SMYD3: variants seen among roughly 807,000 people sequenced by gnomAD.
The protein encoded by SMYD3 is histone-lysine N-methyltransferase SMYD3.
In SMYD3, 36 loss-of-function variants were observed where a neutral mutation model predicts 57.7. The observed-to-expected ratio is 0.62, with a 90% CI of 0.48 to 0.82. The LOEUF (loss-of-function observed/expected upper bound fraction) is 0.82. Among genes scored for constraint, SMYD3 ranks in the 40% least tolerant of loss-of-function variants. The pLI, the probability that SMYD3 is intolerant of heterozygous loss-of-function variation, is 0.00. For synonymous variants in SMYD3, 211 were observed against 195.0 expected, an observed-to-expected ratio of 1.08 and a Z score of -0.68; for missense variants, 515 against 538.8, an observed-to-expected ratio of 0.96 and a Z score of 0.44.
chr1:245,878,880 T>C (rs2052627502), intron 8 of SMYD3, among the ~76,000 whole-genome samples: 1 of 152,176 alleles, frequency 6.6e-6, no homozygotes, highest in Non-Finnish European at 1.5e-5. Context: ...TAAACAAACA[T>C]GGGTTCCGGC....
At position 245,997,041 on chromosome 1, in the gene SMYD3, G is replaced by A. The variant is rs949759796; in HGVS notation, c.532-67104C>T. Among the ~76,000 whole-genome samples, 7 of 152,310 alleles carry A rather than the reference G, an allele frequency of 4.6e-5. 1 individual carries two copies. Among genetic ancestry groups the A allele is most frequent in the Admixed American group, 1.3e-4 (2 of 15,308 alleles). ...TGTCTAGGGTATGCGCATATGCTGC[G>A]TTTTTCCGCAGGTGCCTCGCAGTCT... On this transcript the variant is annotated intron_variant, in intron 5 of 11. Transcript: ENST00000490107.
At position 246,149,308 on chromosome 1, in the gene SMYD3, G is replaced by A. The variant is rs561871591; in HGVS notation, c.531+177893C>T. 1.5e-3 allele frequency among the ~76,000 whole-genome samples: 225 copies of A among 152,256 alleles called. 1 individual carries two copies. The highest frequency in any genetic ancestry group is 2.5e-3 in the Non-Finnish European group (171 of 68,020). On this transcript the variant is annotated intron_variant, in intron 5 of 11. Transcript: ENST00000490107. Reference sequence around the variant, plus strand: ...ACCTAGCTAATGAAGAGCAGGGCTCGACTTAGAATTTAGGATTCCTGTCCC... The same window carrying A: ...ACCTAGCTAATGAAGAGCAGGGCTCAACTTAGAATTTAGGATTCCTGTCCC...
intron 1 of SMYD3, among the ~76,000 whole-genome samples, chr1:246,396,754 G>A (rs2066680797): frequency 6.6e-6 from 1 of 152,162 alleles, no homozygotes; most frequent in African/African-American, 2.4e-5. Flanking sequence ...GCCAGCCATG[G>A]TGAGATGTGC....
intron 5 of SMYD3, among the ~76,000 whole-genome samples, chr1:246,324,437 A>T (rs1198599271): frequency 6.6e-6 from 1 of 151,594 alleles, no homozygotes; most frequent in Non-Finnish European, 1.5e-5. Context: ...AAAAAAAAAA[A>T]AGATGGGCTA....
intron 5 of SMYD3, among the ~76,000 whole-genome samples, chr1:245,995,286 TG>T (rs754274822): frequency 1.2e-4 from 18 of 152,202 alleles, no homozygotes; most frequent in Non-Finnish European, 2.5e-4. Flanking sequence ...ACGGAAGTCA[TG>T]GGACTAGAGT....
intron 1 of SMYD3, among the ~76,000 whole-genome samples, chr1:246,499,591 G>A (rs2068425824): frequency 6.6e-6 from 1 of 151,820 alleles, no homozygotes; most frequent in African/African-American, 2.4e-5. Context: ...AAAGTAGCTT[G>A]ATTACAGGCA....
chr1:246,030,955 TG>T (rs2059660716), intron 5 of SMYD3, among the ~76,000 whole-genome samples: 1 of 152,120 alleles, frequency 6.6e-6, no homozygotes, highest in Admixed American at 6.6e-5. Flanking sequence ...ACGTGTTTAG[TG>T]GGGGTGCACA....
At chr1:245,751,580 G>GAGAGAGAGAGAGAA (rs549065673) in intron 11 of SMYD3, among the ~76,000 whole-genome samples, 15 of 138,792 alleles carry the variant, frequency 1.1e-4, no homozygotes, top group South Asian at 2.2e-4. Context: ...GAAAGAGAAA[G>GAGAGAGAGAGAGAA]AGAGAGAGAG....
In SMYD3 at chr1:246,182,380, C is replaced by T. The variant is rs112225770; in HGVS notation, c.531+144821G>A. ...CCTGATAGTTATGACCTCACTCCCACTGTCACACATAGAACTGATCCAAAG... is the reference window on the plus strand; with the variant it reads ...CCTGATAGTTATGACCTCACTCCCATTGTCACACATAGAACTGATCCAAAG... On this transcript the variant is annotated intron_variant, in intron 5 of 11. Transcript: ENST00000490107. Among the ~76,000 whole-genome samples the T allele has an allele frequency of 1.6e-3, 245 of 152,268 alleles. 1 individual carries two copies. Among genetic ancestry groups the T allele is most frequent in the African/African-American group, 5.5e-3 (227 of 41,562 alleles).
intron 1 of SMYD3, among the ~76,000 whole-genome samples, chr1:246,495,459 G>A (rs910480672): frequency 1.3e-5 from 2 of 149,824 alleles, no homozygotes; most frequent in African/African-American, 2.5e-5. Flanking sequence ...AAATCTCCCC[G>A]AGTGCTTTCA....
At position 245,904,586 on chromosome 1, in the gene SMYD3, G is replaced by A. The variant is rs74712381; in HGVS notation, c.813+10944C>T. Among the ~76,000 whole-genome samples the A allele has an allele frequency of 3.1e-3, 478 of 152,252 alleles. 1 individual carries two copies. The highest frequency in any genetic ancestry group is 0.011 in the African/African-American group (460 of 41,560). On this transcript the variant is annotated intron_variant, in intron 8 of 11. Transcript: ENST00000490107. ...GGGCAATCTCCAATCCCAGAGGTCC[G>A]AACTTGAGTGCCTGCAAACCTCACC...
chr1:246,192,494 G>A (rs1485457691), intron 5 of SMYD3, among the ~76,000 whole-genome samples: 6 of 152,086 alleles, frequency 3.9e-5, no homozygotes, highest in Non-Finnish European at 1.5e-5. Flanking sequence ...GGGCCGAAGC[G>A]ATCCTCCTAC....
At chr1:245,922,532 G>A (rs746493954) in intron 7 of SMYD3, among the ~76,000 whole-genome samples, 8 of 152,066 alleles carry the variant, frequency 5.3e-5, no homozygotes, top group Non-Finnish European at 7.4e-5. Flanking sequence ...GCTTTGATAC[G>A]TAAGATGAGA....
intron 10 of SMYD3, 37 bp downstream of exon 10, chr1:245,858,459 T>C (rs2051366232): frequency 1.3e-6 from 2 of 1,593,664 alleles, no homozygotes; most frequent in Non-Finnish European, 1.7e-6. Context: ...CGTGAAGACG[T>C]CCTAGCCCTT....
chr1:246,196,053 C>T (rs2062827497), intron 5 of SMYD3, among the ~76,000 whole-genome samples: 1 of 152,130 alleles, frequency 6.6e-6, no homozygotes, highest in African/African-American at 2.4e-5. Context: ...AAAAACCTCC[C>T]TTTGCAGAAA....
intron 5 of SMYD3, among the ~76,000 whole-genome samples, chr1:246,002,131 C>G (rs1042844830): frequency 6.6e-6 from 1 of 152,104 alleles, no homozygotes; most frequent in East Asian, 1.9e-4. Context: ...CACTGAGAAG[C>G]GCATGCCAGT....
At chr1:246,380,574 C>G (rs2066370820) in intron 1 of SMYD3, among the ~76,000 whole-genome samples, 1 of 152,222 alleles carries the variant, frequency 6.6e-6, no homozygotes, top group African/African-American at 2.4e-5. Flanking sequence ...TCTTTCATTA[C>G]TGGTCCCATA....
intron 5 of SMYD3, chr1:245,955,882 T>A: frequency 1.0e-6 from 1 of 956,128 alleles, no homozygotes; most frequent in South Asian, 4.8e-5. Context: ...TTGGGTTTTT[T>A]TTTTTTTTGG....
At chr1:246,449,888 T>C (rs1308518068) in intron 1 of SMYD3, among the ~76,000 whole-genome samples, 1 of 151,942 alleles carries the variant, frequency 6.6e-6, no homozygotes, top group Non-Finnish European at 1.5e-5. Flanking sequence ...TTATTGGGAG[T>C]ATAGAGCCAA....
Sources: allele counts gnomAD v4.1 joint callset (sites outside exome capture counted in the v4.1 genomes callset), GRCh38; gene constraint gnomAD v4.1.1; transcripts MANE v1.5; gene names NCBI Gene and HGNC (gene_info 2026-07-23, HGNC 2026-07-21).